ANTXR2: variants seen among roughly 807,000 people sequenced by gnomAD.
ANTXR2 encodes anthrax toxin receptor 2.
Under a neutral mutation model 73.7 loss-of-function variants are expected in ANTXR2, and 44 were observed. The ratio of observed to expected loss-of-function variants is 0.60; its 90% CI spans 0.47 to 0.77. The LOEUF is 0.77. Among genes scored for constraint, ANTXR2 ranks in the 30% least tolerant of loss-of-function variants. The probability of loss-of-function intolerance (pLI) is 0.00; values close to 1 mark genes in which losing one functional copy is unlikely to be tolerated. For missense variants in ANTXR2, 604 were observed against 592.5 expected (o/e 1.02, Z -0.20); for synonymous variants, 217 against 205.9 (o/e 1.05, Z -0.46).
At chr4:80,017,271 C>T (rs562527100) in intron 11 of ANTXR2, among the ~76,000 whole-genome samples, 2 of 152,338 alleles carry the variant, frequency 1.3e-5, no homozygotes, top group African/African-American at 4.8e-5. Context: ...TCAGGCTTTG[C>T]TCTAGCTGCT....
chr4:79,963,239 A>G (rs1236206555), intron 16 of ANTXR2, among the ~76,000 whole-genome samples: 1 of 152,142 alleles, frequency 6.6e-6, no homozygotes, highest in Non-Finnish European at 1.5e-5. Context: ...ACTGAAAGGC[A>G]CGAGCATAAA....
intron 8 of ANTXR2, 110 bp downstream of exon 8, chr4:80,035,862 A>G: frequency 1.1e-6 from 1 of 929,702 alleles, no homozygotes; most frequent in Non-Finnish European, 1.6e-6. Flanking sequence ...AAAAGATGCC[A>G]AAAAAGTTAA....
intron 16 of ANTXR2, among the ~76,000 whole-genome samples, chr4:79,933,731 G>GT (rs201263531): frequency 3.6e-4 from 15 of 41,966 alleles, no homozygotes; most frequent in African/African-American, 7.2e-4. Context: ...GCCCTGGTGT[G>GT]TTTGTTTTTT....
rs562262658 is a variant in ANTXR2 at position 79,953,697 on chromosome 4, C to CT, written c.1428+23923dup. On this transcript the variant is annotated intron_variant, in intron 16 of 16. Coordinates refer to ENST00000403729, the MANE Select transcript of ANTXR2 (RefSeq NM_058172.6). Reference sequence around the variant, plus strand: ...TTATTTTCTACCACTAATTATATTTCTTTTTTTTAAGTAAAGTATATAACT... The same window carrying CT: ...TTATTTTCTACCACTAATTATATTTCTTTTTTTTTAAGTAAAGTATATAACT... Among the ~76,000 whole-genome samples, 104 of 151,680 alleles carry CT rather than the reference C, an allele frequency of 6.9e-4. 1 individual carries two copies. Among genetic ancestry groups the CT allele is most frequent in the African/African-American group, 2.3e-3 (97 of 41,382 alleles).
At chr4:79,994,731 T>A (rs183847496) in intron 12 of ANTXR2, among the ~76,000 whole-genome samples, 17 of 151,970 alleles carry the variant, frequency 1.1e-4, no homozygotes. Flanking sequence ...AAAATCCCCA[T>A]ATGACCACTG....
At chr4:79,934,792 C>T (rs1257124969) in intron 16 of ANTXR2, among the ~76,000 whole-genome samples, 6 of 148,526 alleles carry the variant, frequency 4.0e-5, no homozygotes, top group Non-Finnish European at 7.4e-5. Flanking sequence ...TTAAATAAAA[C>T]TTTAAAATAG....
Position 80,072,713 on chromosome 4 carries a change from T to A in ANTXR2, c.-153A>T. On this transcript the variant is annotated 5_prime_UTR_variant, in exon 1 of 17. Transcript: ENST00000403729. ...GCCTGCGGCAGCGGGACCCACCAGC[T>A]GACAGGGAGGGAGAGAGGGAGGTCC... The A allele has an allele frequency of 2.2e-6, 3 of 1,347,758 alleles. No individual in the cohort carries two copies. Among genetic ancestry groups the A allele is most frequent in the South Asian group, 3.8e-5 (2 of 52,972 alleles). 83.5% of individuals were successfully genotyped at this position (1,347,758 alleles called of 1,614,324 possible). A position where few individuals can be genotyped will look rare whatever the true frequency, so the allele number is the denominator to read the frequency against.
Position 80,033,578 on chromosome 4 carries a change from T to C in ANTXR2, c.698-8A>G, listed in dbSNP as rs758046493. 5 of 1,565,978 alleles carry C rather than the reference T, an allele frequency of 3.2e-6. No homozygotes were observed. Among genetic ancestry groups the C allele is most frequent in the Non-Finnish European group, 4.3e-6 (5 of 1,161,970 alleles). On this transcript the variant is annotated splice_polypyrimidine_tract_variant and splice_region_variant and intron_variant, in intron 8 of 16. Transcript: ENST00000403729. ...AGACAATCTGAAATTCCTCTAGAAGTAAAAGGAAAAATAAACATTTAATCA... is the reference window on the plus strand; with the variant it reads ...AGACAATCTGAAATTCCTCTAGAAGCAAAAGGAAAAATAAACATTTAATCA...
chr4:79,957,904 T>C (rs1686639545), intron 16 of ANTXR2, among the ~76,000 whole-genome samples: 1 of 152,078 alleles, frequency 6.6e-6, no homozygotes, highest in Non-Finnish European at 1.5e-5. Context: ...TTTAGTCATT[T>C]CAAGTTTCAA....
intron 16 of ANTXR2, among the ~76,000 whole-genome samples, chr4:79,973,240 T>C (rs979649165): frequency 1.3e-5 from 2 of 152,210 alleles, no homozygotes; most frequent in African/African-American, 4.8e-5. Context: ...ATTATCCTAA[T>C]AATGTACAGA....
At chr4:79,977,202 G>C (rs1345942129) in intron 16 of ANTXR2, among the ~76,000 whole-genome samples, 1 of 152,178 alleles carries the variant, frequency 6.6e-6, no homozygotes, top group Non-Finnish European at 1.5e-5. Flanking sequence ...ACTGTTGAAG[G>C]CAGGGAACAT....
rs188062758 is a variant in ANTXR2 at position 79,987,348 on chromosome 4, T to C, written c.1042-2485A>G. ...GACTTTTATAATGCAATCGGAAGCA[T>C]TAATTACAAAATAGATGAAGCTGAG... On this transcript the variant is annotated intron_variant, in intron 12 of 16. Coordinates refer to ENST00000403729, the MANE Select transcript of ANTXR2 (RefSeq NM_058172.6). Among the ~76,000 whole-genome samples the C allele has an allele frequency of 3.1e-3, 466 of 151,668 alleles. 4 individuals are homozygous for C. Among genetic ancestry groups the C allele is most frequent in the African/African-American group, 0.01 (430 of 41,396 alleles).
chr4:80,021,225 A>C (rs1732148567), intron 10 of ANTXR2, among the ~76,000 whole-genome samples: 1 of 152,002 alleles, frequency 6.6e-6, no homozygotes, highest in South Asian at 2.1e-4. Flanking sequence ...TTTACATCTA[A>C]TTAACTATAC....
chr4:79,944,485 A>G (rs1038123376), intron 16 of ANTXR2, among the ~76,000 whole-genome samples: 54 of 147,286 alleles, frequency 3.7e-4, no homozygotes, highest in Middle Eastern at 3.4e-3. Flanking sequence ...CACCAAAAAC[A>G]TGATGTACTG....
intron 12 of ANTXR2, among the ~76,000 whole-genome samples, chr4:80,003,845 A>C (rs1731174128): frequency 6.6e-6 from 1 of 152,126 alleles, no homozygotes; most frequent in African/African-American, 2.4e-5. Context: ...TCTGGGTAAC[A>C]GTTTGGCAGT....
intron 11 of ANTXR2, among the ~76,000 whole-genome samples, chr4:80,009,241 C>G (rs1201690672): frequency 6.6e-6 from 1 of 152,120 alleles, no homozygotes; most frequent in Non-Finnish European, 1.5e-5. Context: ...GCTCCTCCAG[C>G]CTTAAGGCAC....
chr4:80,069,867 T>C (rs1257543316), intron 2 of ANTXR2, among the ~76,000 whole-genome samples: 2 of 152,204 alleles, frequency 1.3e-5, no homozygotes, highest in Non-Finnish European at 2.9e-5. Flanking sequence ...CCCTTCAAAG[T>C]GATTATGGTT....
intron 16 of ANTXR2, chr4:79,964,959 C>A (rs1408643413): frequency 6.6e-6 from 1 of 152,208 alleles, no homozygotes; most frequent in African/African-American, 2.4e-5. Flanking sequence ...CGGAAGAGAG[C>A]GCGAGAGAGG....
chr4:79,962,883 T>C (rs897433315), intron 16 of ANTXR2, among the ~76,000 whole-genome samples: 3 of 152,186 alleles, frequency 2.0e-5, no homozygotes, highest in Admixed American at 1.3e-4. Flanking sequence ...AATATACATA[T>C]ATTTTAATGA....
Sources: gnomAD v4.1 joint callset for allele counts (sites outside exome capture counted in the v4.1 genomes callset) on GRCh38, gnomAD v4.1.1 for gene constraint, MANE v1.5 for transcripts, NCBI Gene and HGNC (gene_info 2026-07-23, HGNC 2026-07-21) for gene names.